The following DNMT1 variants were observed in gnomAD, a reference collection of about 807,000 sequenced individuals.
The protein encoded by DNMT1 is DNA methyltransferase 1.
DNMT1 carries 24 observed loss-of-function variants against 205.3 expected under a neutral mutation model. The observed-to-expected ratio is 0.12, with a 90% CI of 0.08 to 0.16. The LOEUF (loss-of-function observed/expected upper bound fraction) is 0.16. Among genes scored for constraint, DNMT1 ranks in the 10% least tolerant of loss-of-function variants. The pLI is 1.00. For synonymous variants in DNMT1, 817 were observed against 839.8 expected, an observed-to-expected ratio of 0.97 and a Z score of 0.47; for missense variants, 1,293 against 2,177.7, an observed-to-expected ratio of 0.59 and a Z score of 8.09.
Position 10,154,453 on chromosome 19 carries a change from A to G in DNMT1, c.1859T>C (p.Ile620Thr). ...GTCCTTCTCCCTGGTAGAATGCCTG[A>G]TGGTCTGCCGCCTCGCCTGGGCTCG... ...QRRAQARRQT[I>T]RHSTREKDRG... The change falls in exon 22 of 41, where the codon ATC (isoleucine) becomes ACC (threonine). Residue 620 changes from isoleucine to threonine, a missense_variant. Around this residue, in one of 13 missense-constraint regions of DNMT1, gnomAD observed 197 missense variants for 353.6 expected, o/e 0.56. Transcript: ENST00000359526. The surrounding 1 kb of genome is among the most constrained non-coding windows in gnomAD (Gnocchi z 6.3). 6.2e-7 allele frequency: 1 copy of G among 1,614,142 alleles called. No homozygotes were observed. Among genetic ancestry groups the G allele is most frequent in the Non-Finnish European group, 8.5e-7 (1 of 1,180,032 alleles).
At chr19:10,150,832 C>A (rs1283835537) in intron 24 of DNMT1, among the ~76,000 whole-genome samples, 2 of 152,162 alleles carry the variant, frequency 1.3e-5, no homozygotes, top group Non-Finnish European at 2.9e-5. Flanking sequence ...GTGGCTCCTG[C>A]CTGTAATCCC....
Position 10,139,910 on chromosome 19 carries a change from A to C in DNMT1, c.3807-93T>G, listed in dbSNP as rs1425513837. 1.9e-6 allele frequency: 3 copies of C among 1,572,514 alleles called. No homozygotes were observed. In the African/African-American group the frequency reaches 4.1e-5, roughly 21 times the overall value. On this transcript the variant is annotated intron_variant, in intron 33 of 40. Transcript: ENST00000359526. ...CGGAAGCCCCTCACGAATGTTATCA[A>C]AGTCTCTCCCTGGTGAGAGCTGAGC...
chr19:10,142,105 C>T lies in DNMT1; in HGVS notation c.3232G>A (p.Val1078Met), dbSNP rs560179619. The change falls in exon 30 of 41, where the codon GTG becomes ATG. Residue 1078 changes from valine (V) to methionine (M), a missense_variant. Coordinates refer to ENST00000359526, the MANE Select transcript of DNMT1 (RefSeq NM_001130823.3). Reference sequence around the variant, plus strand: ...TCGGGCAGGTCCTCCCCATACTCCACGGTGCAGCGGCCCTGCACAGCCTTG... The same window carrying T: ...TCGGGCAGGTCCTCCCCATACTCCATGGTGCAGCGGCCCTGCACAGCCTTG... ...DFKAVQGRCT[V>M]EYGEDLPECV... The T allele has an allele frequency of 6.4e-5, 103 of 1,613,244 alleles. No individual in the cohort carries two copies. Among genetic ancestry groups the T allele is most frequent in the African/African-American group, 1.3e-4 (10 of 75,046 alleles).
At chr19:10,179,201 T>C (rs2038993384) in intron 5 of DNMT1, among the ~76,000 whole-genome samples, 1 of 151,314 alleles carries the variant, frequency 6.6e-6, no homozygotes, top group African/African-American at 2.4e-5. Context: ...TGAGAATAAA[T>C]GTTTAACCAG....
intron 22 of DNMT1, among the ~76,000 whole-genome samples, chr19:10,153,261 A>G (rs2038386888): frequency 6.6e-6 from 1 of 152,226 alleles, no homozygotes; most frequent in Admixed American, 6.5e-5. Flanking sequence ...ATATTCATTT[A>G]ACAAAATACT....
chr19:10,145,004 T>C (rs1454267934), intron 28 of DNMT1, among the ~76,000 whole-genome samples: 2 of 152,184 alleles, frequency 1.3e-5, no homozygotes, highest in Admixed American at 1.3e-4. Flanking sequence ...CAGTCCAGCT[T>C]CTGTGGTTTT....
In DNMT1 at chr19:10,146,177, T is replaced by G. The variant is rs921695312; in HGVS notation, c.2894+174A>C. Among the ~76,000 whole-genome samples the G allele has an allele frequency of 6.6e-6, 1 of 152,120 alleles. No homozygotes were observed. Among genetic ancestry groups the G allele is most frequent in the Non-Finnish European group, 1.5e-5 (1 of 68,026 alleles). On this transcript the variant is annotated intron_variant, in intron 28 of 40. Coordinates refer to ENST00000359526, the MANE Select transcript of DNMT1 (RefSeq NM_001130823.3). This position sits in a 1 kb window ranked among gnomAD's most constrained non-coding sequence, Gnocchi z 4.4. ...CGCTCAGCTTTGCTCTGCAATAGCA[T>G]CATGGTCAGTCTACACGATTTATGT...
intron 14 of DNMT1, 28 bp downstream of exon 14, chr19:10,160,356 T>C (rs1334324313): frequency 6.2e-7 from 1 of 1,613,810 alleles, no homozygotes; most frequent in African/African-American, 1.3e-5. Flanking sequence ...ACCATCTGCT[T>C]TCGATAATGT....
At chr19:10,155,203 T>C (rs1170868387) in intron 19 of DNMT1, 147 bp from the exon 20 acceptor site, 2 of 1,126,334 alleles carry the variant, frequency 1.8e-6, no homozygotes, top group Non-Finnish European at 2.5e-6. Context: ...GCACAACACA[T>C]CATAGCTGGC....
Position 10,194,923 on chromosome 19 carries a change from C to T in DNMT1, c.-24G>A, listed in dbSNP as rs1444327848. The T allele has an allele frequency of 2.5e-6, 4 of 1,595,506 alleles. No individual in the cohort carries two copies. The highest frequency in any genetic ancestry group is 2.7e-5 in the African/African-American group (2 of 74,254). ...ATCTCGGAGGCTTCAGCAGACGCGG[C>T]GGCGGCAGCGCAGGCGCCCCGGCTT... is the stretch of plus-strand genomic sequence containing the variant. On this transcript the variant is annotated 5_prime_UTR_variant, in exon 1 of 41. Coordinates refer to ENST00000359526, the MANE Select transcript of DNMT1 (RefSeq NM_001130823.3).
chr19:10,140,396 G>C lies in DNMT1; in HGVS notation c.3524-68C>G, dbSNP rs1383155995. The C allele has an allele frequency of 1.5e-5, 24 of 1,560,796 alleles. No homozygotes were observed. The highest frequency in any genetic ancestry group is 2.1e-5 in the Non-Finnish European group (24 of 1,157,006). ...GATTTTTTTTTTTTTTTGAGATGGAGTCTCGCTCTGTCACCCAGGCTGGAG... is the reference window on the plus strand; with the variant it reads ...GATTTTTTTTTTTTTTTGAGATGGACTCTCGCTCTGTCACCCAGGCTGGAG... On this transcript the variant is annotated intron_variant, in intron 32 of 40. Transcript: ENST00000359526. The surrounding 1 kb of genome is among the most constrained non-coding windows in gnomAD (Gnocchi z 8.4).
At chr19:10,166,563 G>A (rs2038697280) in intron 11 of DNMT1, 35 bp downstream of exon 11, 2 of 1,612,830 alleles carry the variant, frequency 1.2e-6, no homozygotes, top group Non-Finnish European at 1.7e-6. Context: ...GCAGAAGAAT[G>A]AGGGGGAGTT....
chr19:10,191,560 T>G (rs540191238), intron 1 of DNMT1, among the ~76,000 whole-genome samples: 4 of 152,172 alleles, frequency 2.6e-5, no homozygotes, highest in Admixed American at 2.6e-4. Context: ...AACAAAATAT[T>G]TGCACAGGGC....
At chr19:10,153,142 C>G (rs977260247) in intron 22 of DNMT1, among the ~76,000 whole-genome samples, 14 of 152,084 alleles carry the variant, frequency 9.2e-5, no homozygotes, top group African/African-American at 3.1e-4. Flanking sequence ...ACACCCACAA[C>G]CCAGCAACGC....
chr19:10,194,611 A>C, intron 1 of DNMT1: 5 of 558,662 alleles, frequency 8.9e-6, no homozygotes, highest in Non-Finnish European at 1.2e-5. Flanking sequence ...CTACGGGGGA[A>C]TCCACGGTCC....
Position 10,160,079 on chromosome 19 carries a change from A to T in DNMT1, c.1044-16T>A. 1 of 1,613,008 alleles carries T rather than the reference A, an allele frequency of 6.2e-7. No homozygotes were observed. The highest frequency in any genetic ancestry group is 8.5e-7 in the Non-Finnish European group (1 of 1,180,026). ...TTTCTCCGTTCTGGGGGAAAAAAAA[A>T]AATCACAAGATCGTTTGTTTAATTG... On this transcript the variant is annotated splice_polypyrimidine_tract_variant and intron_variant, in intron 14 of 40. Coordinates refer to ENST00000359526, the MANE Select transcript of DNMT1 (RefSeq NM_001130823.3).
intron 1 of DNMT1, among the ~76,000 whole-genome samples, chr19:10,193,250 C>T (rs1372612282): frequency 2.0e-5 from 3 of 152,130 alleles, no homozygotes; most frequent in Non-Finnish European, 4.4e-5. Flanking sequence ...GTCCCAGCTA[C>T]TCAGGAGGCT....
In DNMT1 at chr19:10,148,918, G is replaced by A. The variant is rs1379893711; in HGVS notation, c.2686C>T (p.Pro896Ser). Reference sequence around the variant, plus strand: ...TTGTCCTCTGTTGGCTGGGTTTTTGGAGGGGACTCGAATCTCGCGTAGTCT... The same window carrying A: ...TTGTCCTCTGTTGGCTGGGTTTTTGAAGGGGACTCGAATCTCGCGTAGTCT... ...DQDYARFESP[P>S]KTQPTEDNKF... is the part of the protein sequence containing the mutation. Residue 896 changes from proline (P) to serine (S), a missense_variant, in exon 27 of 41, where the codon CCA becomes TCA. Physicochemically the swap from Pro to Ser is moderately conservative, Grantham distance 74. Transcript: ENST00000359526. The A allele has an allele frequency of 5.6e-6, 9 of 1,614,074 alleles. No individual in the cohort carries two copies. Among genetic ancestry groups the A allele is most frequent in the Non-Finnish European group, 6.8e-6 (8 of 1,180,040 alleles).
intron 1 of DNMT1, among the ~76,000 whole-genome samples, chr19:10,188,542 A>G (rs2039238832): frequency 6.6e-6 from 1 of 152,166 alleles, no homozygotes; most frequent in Admixed American, 6.6e-5. Flanking sequence ...TCCATCTCAA[A>G]AAGAGTGGAC....
Sources: allele counts gnomAD v4.1 joint callset (sites outside exome capture counted in the v4.1 genomes callset), GRCh38; gene constraint gnomAD v4.1.1; regional missense constraint gnomAD v4.1.1; non-coding constraint Gnocchi (gnomAD v3.1); transcripts MANE v1.5; gene names NCBI Gene and HGNC (gene_info 2026-07-23, HGNC 2026-07-21).